EYA4: variants seen among roughly 807,000 people sequenced by gnomAD.
EYA4 encodes protein phosphatase EYA4.
Under a neutral mutation model 87.9 loss-of-function variants are expected in EYA4, and 31 were observed. The observed-to-expected ratio is 0.35, with a 90% CI of 0.27 to 0.48. The LOEUF (loss-of-function observed/expected upper bound fraction) is 0.48, where lower values mean the gene tolerates loss of function less well. EYA4 is among the 20% of genes least tolerant of loss of function. EYA4 has a pLI of 0.99. For synonymous variants in EYA4, 263 were observed against 270.6 expected, an observed-to-expected ratio of 0.97 and a Z score of 0.28; for missense variants, 678 against 761.4, an observed-to-expected ratio of 0.89 and a Z score of 1.29.
At position 133,531,361 on chromosome 6, in the gene EYA4, T is replaced by C. The variant is rs1801002264; in HGVS notation, c.*2556T>C. On this transcript the variant is annotated 3_prime_UTR_variant, in exon 20 of 20. Transcript: ENST00000355286. ...AACTCTTCCCTTCCCACCTTAGGAA[T>C]AGAAAATCCTCTTCCTTTCTAATCT... is the stretch of plus-strand genomic sequence containing the variant. 9.7e-6 allele frequency: 6 copies of C among 616,174 alleles called. No homozygotes were observed. Among genetic ancestry groups the C allele is most frequent in the Admixed American group, 9.7e-5 (3 of 30,988 alleles). 38.2% of individuals were successfully genotyped at this position (616,174 alleles called of 1,614,324 possible).
intron 13 of EYA4, among the ~76,000 whole-genome samples, chr6:133,484,779 G>T (rs889047492): frequency 1.3e-5 from 2 of 152,132 alleles, no homozygotes; most frequent in Non-Finnish European, 2.9e-5. Flanking sequence ...AAGCAGACTG[G>T]CCCAAATAAA....
intron 3 of EYA4, among the ~76,000 whole-genome samples, chr6:133,401,109 G>A (rs1270574722): frequency 6.6e-6 from 1 of 152,080 alleles, no homozygotes; most frequent in Non-Finnish European, 1.5e-5. Context: ...TAGAACTGGG[G>A]GTCATTATTT....
rs116738752 is a variant in EYA4, at chr6:133,444,862, C to T, written c.84-1768C>T. Among the ~76,000 whole-genome samples, 1,489 of 152,264 alleles carry T rather than the reference C, an allele frequency of 9.8e-3. 30 individuals carry two copies. The highest frequency in any genetic ancestry group is 0.033 in the African/African-American group (1,378 of 41,544). ...TTAAAGTGCTTCTCTCATAGATCCC[C>T]CGTAATTAGGTCTTGGTTGTATAAT... On this transcript the variant is annotated intron_variant, in intron 3 of 19. Coordinates refer to ENST00000355286, the MANE Select transcript of EYA4 (RefSeq NM_004100.5).
intron 19 of EYA4, among the ~76,000 whole-genome samples, chr6:133,526,517 A>C (rs1439101431): frequency 6.6e-6 from 1 of 152,212 alleles, no homozygotes; most frequent in Non-Finnish European, 1.5e-5. Context: ...CTTCCACTTT[A>C]GAAGTTTTGG....
chr6:133,428,707 C>CCCTCCTTT (rs1213173633), intron 3 of EYA4, among the ~76,000 whole-genome samples: 12 of 152,056 alleles, frequency 7.9e-5, no homozygotes, highest in African/African-American at 2.9e-4. Flanking sequence ...ACTACATGCT[C>CCCTCCTTT]CCTCCTTTAT....
intron 7 of EYA4, among the ~76,000 whole-genome samples, chr6:133,461,611 T>C (rs1023751910): frequency 6.6e-6 from 1 of 152,120 alleles, no homozygotes; most frequent in Non-Finnish European, 1.5e-5. Context: ...AGTTTAACTA[T>C]ATTGGGTGTA....
intron 1 of EYA4, among the ~76,000 whole-genome samples, chr6:133,263,010 G>A (rs1338277237): frequency 1.3e-5 from 2 of 152,192 alleles, no homozygotes. Flanking sequence ...TTGGAGCTAG[G>A]TGTTCTTTGT....
At chr6:133,247,491 A>G (rs80175009) in intron 1 of EYA4, 1 of 152,206 alleles carries the variant, frequency 6.6e-6, no homozygotes, top group African/African-American at 2.4e-5. Context: ...AGAGTGCATG[A>G]TGGACTTCTG....
chr6:133,466,773 T>TA (rs5880182), intron 10 of EYA4, among the ~76,000 whole-genome samples: 216 of 136,444 alleles, frequency 1.6e-3, no homozygotes, highest in African/African-American at 4.4e-3. Context: ...TCACTGAACT[T>TA]AAAAAAAAAA....
chr6:133,431,256 A>G (rs1488462873), intron 3 of EYA4, among the ~76,000 whole-genome samples: 2 of 152,222 alleles, frequency 1.3e-5, no homozygotes, highest in Non-Finnish European at 2.9e-5. Flanking sequence ...TCTAAGAGAC[A>G]TGAGAAGGCA....
intron 2 of EYA4, among the ~76,000 whole-genome samples, chr6:133,348,261 GTTTTTTTTTTTTTTTT>G (rs35905853): frequency 0.064 from 4,439 of 69,002 alleles, 211 homozygotes; most frequent in East Asian, 0.33. Flanking sequence ...TCTTCAAGTA[GTTTTTTTTTTTTTTTT>G]TTTTTTTTTT....
At chr6:133,469,745 A>G (rs1173510345) in intron 11 of EYA4, among the ~76,000 whole-genome samples, 3 of 152,016 alleles carry the variant, frequency 2.0e-5, no homozygotes, top group Non-Finnish European at 4.4e-5. Flanking sequence ...CTTCTAGAAG[A>G]AAAAAATGGT....
At chr6:133,526,378 T>C (rs1296835279) in intron 19 of EYA4, among the ~76,000 whole-genome samples, 13 of 152,200 alleles carry the variant, frequency 8.5e-5, no homozygotes, top group Admixed American at 8.5e-4. Flanking sequence ...CTGGAATGTT[T>C]ACCTGTTTTC....
chr6:133,345,101 C>T (rs1334397468), intron 2 of EYA4, among the ~76,000 whole-genome samples: 1 of 152,050 alleles, frequency 6.6e-6, no homozygotes, highest in East Asian at 1.9e-4. Flanking sequence ...GTTTTCCTAA[C>T]TTTGTGTATG....
chr6:133,459,834 T>A (rs2128651332), intron 6 of EYA4, among the ~76,000 whole-genome samples: 1 of 152,244 alleles, frequency 6.6e-6, no homozygotes, highest in African/African-American at 2.4e-5. Flanking sequence ...TGAAAATATT[T>A]AGAAGTAACA....
intron 1 of EYA4, among the ~76,000 whole-genome samples, chr6:133,249,818 A>G (rs1774740194): frequency 6.6e-6 from 1 of 152,168 alleles, no homozygotes; most frequent in African/African-American, 2.4e-5. Flanking sequence ...GTTACTCCCA[A>G]AGCATCCAGC....
chr6:133,392,136 C>G (rs1787354680), intron 3 of EYA4, among the ~76,000 whole-genome samples: 2 of 152,086 alleles, frequency 1.3e-5, no homozygotes, highest in South Asian at 4.1e-4. Flanking sequence ...AACTCTTGTA[C>G]CAATTTTTGG....
intron 5 of EYA4, among the ~76,000 whole-genome samples, chr6:133,454,003 A>T (rs1017957583): frequency 6.6e-6 from 1 of 152,090 alleles, no homozygotes; most frequent in African/African-American, 2.4e-5. Context: ...CAAACTTTCA[A>T]ATTGAAGAGA....
intron 14 of EYA4, among the ~76,000 whole-genome samples, chr6:133,510,163 A>G (rs968641535): frequency 6.6e-6 from 1 of 152,220 alleles, no homozygotes; most frequent in Admixed American, 6.5e-5. Context: ...ATGCGAGTTA[A>G]TATTTAATGT....
Sources: gnomAD v4.1 joint callset for allele counts (sites outside exome capture counted in the v4.1 genomes callset) on GRCh38, gnomAD v4.1.1 for gene constraint, MANE v1.5 for transcripts, NCBI Gene and HGNC (gene_info 2026-07-23, HGNC 2026-07-21) for gene names.